Variants in ZNF362 observed in about 807,000 individuals in gnomAD.
ZNF362 encodes the protein zinc finger protein 362, also known as rotund homolog.
ZNF362 carries 11 observed loss-of-function variants against 42.9 expected under a neutral mutation model. That is an observed-to-expected ratio of 0.26 (90% CI 0.16 to 0.42). The LOEUF (loss-of-function observed/expected upper bound fraction) is 0.42. Among genes scored for constraint, ZNF362 ranks in the 20% least tolerant of loss-of-function variants. ZNF362 has a pLI of 1.00. For synonymous variants in ZNF362, 255 were observed against 257.3 expected (o/e 0.99, Z 0.09); for missense variants, 362 against 576.2 (o/e 0.63, Z 3.81).
chr1:33,215,190 C>T, the ZNF362 span, among the ~76,000 whole-genome samples: 5 of 152,108 alleles, frequency 3.3e-5, no homozygotes, highest in African/African-American at 9.7e-5. Flanking sequence ...CTGTCATTTG[C>T]AACAACATGG....
intron 2 of ZNF362, among the ~76,000 whole-genome samples, chr1:33,275,846 G>C (rs1645940890): frequency 6.6e-6 from 1 of 152,104 alleles, no homozygotes; most frequent in Admixed American, 6.5e-5. Flanking sequence ...AGAGTACTCT[G>C]GTCTGGATGT....
chr1:33,181,311 C>T, the ZNF362 span: 3 of 1,563,658 alleles, frequency 1.9e-6, no homozygotes, highest in South Asian at 1.2e-5. This position sits in a 1 kb window ranked among gnomAD's most constrained non-coding sequence, Gnocchi z 6.5. Context: ...CGCCTCCTGC[C>T]GCACCCAGTG....
chr1:33,167,468 T>C, the ZNF362 span, among the ~76,000 whole-genome samples: 6 of 152,178 alleles, frequency 3.9e-5, no homozygotes, highest in Admixed American at 3.3e-4. This position sits in a 1 kb window ranked among gnomAD's most constrained non-coding sequence, Gnocchi z 4.2. Flanking sequence ...TAGCCCATTG[T>C]ATTATCGCCA....
At chr1:33,211,660 C>G in the ZNF362 span, among the ~76,000 whole-genome samples, 10 of 151,892 alleles carry the variant, frequency 6.6e-5, no homozygotes, top group Non-Finnish European at 1.0e-4. Context: ...TCTGGCTGCC[C>G]TTAGCATTTT....
At chr1:33,233,515 T>C in the ZNF362 span, among the ~76,000 whole-genome samples, 6 of 152,152 alleles carry the variant, frequency 3.9e-5, no homozygotes, top group Admixed American at 3.9e-4. Context: ...GCAATCTTCC[T>C]GCCTCAGCCT....
the ZNF362 span, among the ~76,000 whole-genome samples, chr1:33,193,555 G>C: frequency 6.6e-6 from 1 of 152,208 alleles, no homozygotes; most frequent in Non-Finnish European, 1.5e-5. Context: ...TTTTAGTTGG[G>C]TCCTCCAGAA....
intron 1 of ZNF362, among the ~76,000 whole-genome samples, chr1:33,270,143 A>G (rs1645891246): frequency 6.6e-6 from 1 of 152,206 alleles, no homozygotes; most frequent in African/African-American, 2.4e-5. Context: ...GGAAGTGGCC[A>G]CCTTGGGCTA....
Position 33,276,328 on chromosome 1 carries a change from C to G in ZNF362, c.103-20C>G, listed in dbSNP as rs1191545764. The G allele has an allele frequency of 1.9e-6, 3 of 1,544,836 alleles. No homozygotes were observed. The highest frequency in any genetic ancestry group is 2.6e-6 in the Non-Finnish European group (3 of 1,141,612). ...GGGAGGTGGTCCAGACCTCCTCAGC[C>G]CGTCCTCTTCTTCCCGCAGCTGGAC... On this transcript the variant is annotated intron_variant, in intron 3 of 8. Transcript: ENST00000539719.
chr1:33,191,661 C>G, the ZNF362 span, among the ~76,000 whole-genome samples: 1 of 152,120 alleles, frequency 6.6e-6, no homozygotes, highest in Admixed American at 6.6e-5. Flanking sequence ...TGCACCACCA[C>G]ACCTGGCTAA....
chr1:33,138,432 G>C, the ZNF362 span, among the ~76,000 whole-genome samples: 1 of 152,098 alleles, frequency 6.6e-6, no homozygotes, highest in Non-Finnish European at 1.5e-5. Context: ...GAAGCTGAGT[G>C]GAGAGGTTGC....
rs184684140 is a variant in ZNF362 at position 33,286,057 on chromosome 1, T to A, written c.908+4246T>A. Among the ~76,000 whole-genome samples the A allele has an allele frequency of 1.9e-3, 282 of 152,182 alleles. 1 individual carries two copies. The East Asian group carries it at 0.019, about 10-fold the overall frequency. ...CAGCCTGGGTGACAGAGCAAGACCC[T>A]GTCTCAAAAAACAAAAAAACAAAAA... On this transcript the variant is annotated intron_variant, in intron 6 of 8. Transcript: ENST00000539719.
chr1:33,144,586 A>T, the ZNF362 span, among the ~76,000 whole-genome samples: 1 of 152,236 alleles, frequency 6.6e-6, no homozygotes, highest in South Asian at 2.1e-4. Flanking sequence ...AGGCCTGTCT[A>T]TAGTACTCAG....
the ZNF362 span, among the ~76,000 whole-genome samples, chr1:33,226,335 T>G: frequency 6.6e-6 from 1 of 152,194 alleles, no homozygotes; most frequent in East Asian, 1.9e-4. Context: ...TCCACCAGCC[T>G]TGGAGCTCCT....
the ZNF362 span, among the ~76,000 whole-genome samples, chr1:33,157,383 G>C: frequency 6.6e-6 from 1 of 152,040 alleles, no homozygotes; most frequent in Non-Finnish European, 1.5e-5. Context: ...TACCTACGTG[G>C]CTCACTCTTC....
the ZNF362 span, among the ~76,000 whole-genome samples, chr1:33,133,657 T>C: frequency 1.3e-5 from 2 of 152,130 alleles, no homozygotes; most frequent in East Asian, 3.9e-4. Flanking sequence ...GCCACCCACG[T>C]CTGGCCAAAG....
the ZNF362 span, among the ~76,000 whole-genome samples, chr1:33,168,796 C>T: frequency 6.6e-6 from 1 of 152,166 alleles, no homozygotes; most frequent in Non-Finnish European, 1.5e-5. Context: ...GGCTGAGAGG[C>T]AGATGTTGAG....
rs1189493781 is a variant in ZNF362, at chr1:33,280,634, G to A, written c.683+177G>A. ...CCACCCACATCCCAAGTCCCAGTTCGGGGAGGGCTGCTGGGGAGGGGAATA... is the reference window on the plus strand; with the variant it reads ...CCACCCACATCCCAAGTCCCAGTTCAGGGAGGGCTGCTGGGGAGGGGAATA... On this transcript the variant is annotated intron_variant, in intron 5 of 8. Transcript: ENST00000539719. The surrounding 1 kb of genome is among the most constrained non-coding windows in gnomAD (Gnocchi z 5.6). Among the ~76,000 whole-genome samples, 2 of 152,190 alleles carry A rather than the reference G, an allele frequency of 1.3e-5. No homozygotes were observed. The highest frequency in any genetic ancestry group is 1.9e-4 in the East Asian group (1 of 5,182).
chr1:33,258,651 C>T (rs1645809836), intron 1 of ZNF362, among the ~76,000 whole-genome samples: 2 of 152,240 alleles, frequency 1.3e-5, no homozygotes, highest in Admixed American at 6.5e-5. Context: ...TTCTCCATGA[C>T]GGGCCTGGAC....
chr1:33,185,584 C>A, the ZNF362 span, among the ~76,000 whole-genome samples: 1 of 152,174 alleles, frequency 6.6e-6, no homozygotes, highest in Non-Finnish European at 1.5e-5. Context: ...AGCAGTTCTT[C>A]TCTTGACCTT....
Sources: allele counts gnomAD v4.1 joint callset (sites outside exome capture counted in the v4.1 genomes callset), GRCh38; gene constraint gnomAD v4.1.1; non-coding constraint Gnocchi (gnomAD v3.1); transcripts MANE v1.5; gene names NCBI Gene and HGNC (gene_info 2026-07-23, HGNC 2026-07-21).